The following PSMD1 variants were observed in gnomAD, a reference collection of about 807,000 sequenced individuals.
PSMD1 encodes 26S proteasome non-ATPase regulatory subunit 1.
A neutral mutation model predicts 119.0 loss-of-function variants in PSMD1; 18 were observed. The ratio of observed to expected loss-of-function variants is 0.15; its 90% CI spans 0.10 to 0.22. The LOEUF (loss-of-function observed/expected upper bound fraction) is 0.22, where lower values mean the gene tolerates loss of function less well. Among genes scored for constraint, PSMD1 ranks in the 10% least tolerant of loss-of-function variants. The probability of loss-of-function intolerance (pLI) is 1.00; values close to 1 mark genes in which losing one functional copy is unlikely to be tolerated. For missense variants in PSMD1, 702 were observed against 1,158.5 expected (o/e 0.61, Z 5.72); for synonymous variants, 374 against 396.6 (o/e 0.94, Z 0.68).
At chr2:231,107,757 G>C (rs1275253266) in intron 16 of PSMD1, among the ~76,000 whole-genome samples, 3 of 152,164 alleles carry the variant, frequency 2.0e-5, no homozygotes, top group Non-Finnish European at 2.9e-5. Context: ...TTGTATCCCT[G>C]ATTAAGATCC....
chr2:231,140,663 A>G (rs1696085904), intron 17 of PSMD1, among the ~76,000 whole-genome samples: 2 of 152,002 alleles, frequency 1.3e-5, no homozygotes, highest in Non-Finnish European at 2.9e-5. Context: ...GGATAACCTG[A>G]GGTCAGGAGT....
At chr2:231,076,773 C>T (rs897869186) in intron 8 of PSMD1, among the ~76,000 whole-genome samples, 9 of 152,008 alleles carry the variant, frequency 5.9e-5, no homozygotes, top group South Asian at 4.1e-4. Flanking sequence ...AATTTTCCTG[C>T]GTGTTATCAG....
intron 20 of PSMD1, among the ~76,000 whole-genome samples, chr2:231,162,595 TG>T (rs1696666868): frequency 6.6e-6 from 1 of 152,140 alleles, no homozygotes; most frequent in Admixed American, 6.6e-5. Flanking sequence ...GAAAATGGGA[TG>T]GAGAAGATAA....
chr2:231,100,427 G>A (rs1694836059), intron 16 of PSMD1, among the ~76,000 whole-genome samples: 1 of 152,104 alleles, frequency 6.6e-6, no homozygotes, highest in African/African-American at 2.4e-5. Flanking sequence ...GAGAATGATG[G>A]GGTGAGTGCT....
intron 1 of PSMD1, among the ~76,000 whole-genome samples, chr2:231,058,344 G>A (rs1041095749): frequency 6.6e-5 from 10 of 152,048 alleles, no homozygotes; most frequent in Non-Finnish European, 2.9e-5. Context: ...CATTACCTCC[G>A]TACAGCCCGT....
chr2:231,096,677 C>T (rs1694734645), intron 16 of PSMD1, among the ~76,000 whole-genome samples: 1 of 152,336 alleles, frequency 6.6e-6, no homozygotes, highest in South Asian at 2.1e-4. Flanking sequence ...AGGGTGCGCC[C>T]TTACAGATGG....
chr2:231,123,721 G>A (rs377111984), intron 16 of PSMD1: 25 of 1,613,948 alleles, frequency 1.5e-5, no homozygotes, highest in Non-Finnish European at 2.0e-5. Flanking sequence ...AATGTGCTCA[G>A]GAATTGTGCT....
intron 4 of PSMD1, among the ~76,000 whole-genome samples, chr2:231,064,110 A>T (rs1693834066): frequency 6.6e-6 from 1 of 152,194 alleles, no homozygotes; most frequent in South Asian, 2.1e-4. Context: ...TAAACACTGT[A>T]TCATTTTACC....
chr2:231,064,357 C>G (rs1435644083), intron 4 of PSMD1, among the ~76,000 whole-genome samples: 1 of 152,142 alleles, frequency 6.6e-6, no homozygotes. Flanking sequence ...AAGGCTTTAG[C>G]AGGAAATGAG....
intron 10 of PSMD1, 44 bp downstream of exon 10, chr2:231,078,791 CTT>C (rs748353083): frequency 0.033 from 11,307 of 338,542 alleles, no homozygotes; most frequent in Non-Finnish European, 0.036. Context: ...AAATCTTTTT[CTT>C]TTTTTTTTTT....
At chr2:231,094,032 A>G (rs1694665436) in intron 16 of PSMD1, among the ~76,000 whole-genome samples, 3 of 152,218 alleles carry the variant, frequency 2.0e-5, no homozygotes, top group African/African-American at 7.2e-5. Context: ...AATTGGCATC[A>G]ATGGATACAT....
At chr2:231,115,648 C>T (rs1366436611) in intron 16 of PSMD1, among the ~76,000 whole-genome samples, 1 of 151,882 alleles carries the variant, frequency 6.6e-6, no homozygotes, top group East Asian at 1.9e-4. Context: ...CTGGAAGGAA[C>T]CTTAGAGATT....
In PSMD1 at chr2:231,150,967, T is replaced by C. The variant is rs1192856426; in HGVS notation, c.2116-2597T>C. Among the ~76,000 whole-genome samples, 4 of 152,306 alleles carry C rather than the reference T, an allele frequency of 2.6e-5. No homozygotes were observed. The East Asian group carries it at 5.8e-4, about 22-fold the overall frequency. On this transcript the variant is annotated intron_variant, in intron 18 of 24. Coordinates refer to ENST00000308696, the MANE Select transcript of PSMD1 (RefSeq NM_002807.4). The stretch of plus-strand genomic sequence containing the variant: ...CTCCCTGATATCTAAGAGTGGGCTT[T>C]TTTCCAGCAGTATAGGGTATACAAG...
chr2:231,057,355 A>C (rs1693624648), intron 1 of PSMD1, among the ~76,000 whole-genome samples: 1 of 152,064 alleles, frequency 6.6e-6, no homozygotes, highest in Admixed American at 6.5e-5. Context: ...TGTGCCTCCC[A>C]TTCTTGGCCG....
intron 23 of PSMD1, among the ~76,000 whole-genome samples, chr2:231,169,161 G>T (rs1019610880): frequency 2.6e-5 from 4 of 151,800 alleles, no homozygotes; most frequent in East Asian, 1.9e-4. Context: ...ATTTTTTTTT[G>T]TGTGTGTGTT....
At chr2:231,160,450 A>G (rs1696611019) in intron 19 of PSMD1, among the ~76,000 whole-genome samples, 1 of 152,208 alleles carries the variant, frequency 6.6e-6, no homozygotes, top group South Asian at 2.1e-4. Flanking sequence ...AAATTCTAAT[A>G]ATGTTTATGC....
chr2:231,153,184 A>T (rs1010922995), intron 18 of PSMD1, among the ~76,000 whole-genome samples: 6 of 152,254 alleles, frequency 3.9e-5, no homozygotes, highest in African/African-American at 1.4e-4. Flanking sequence ...CATGCTTTTT[A>T]GGAAACCCGC....
At chr2:231,157,358 C>T (rs1696528731) in intron 19 of PSMD1, among the ~76,000 whole-genome samples, 1 of 150,790 alleles carries the variant, frequency 6.6e-6, no homozygotes, top group Admixed American at 6.6e-5. Context: ...CTCTTCTCTG[C>T]CAGATTTACT....
intron 16 of PSMD1, among the ~76,000 whole-genome samples, chr2:231,106,331 A>G (rs978881124): frequency 1.3e-5 from 2 of 152,212 alleles, no homozygotes; most frequent in African/African-American, 4.8e-5. Context: ...GTTAATTGTA[A>G]GCAAGAGCTA....
Sources: allele counts gnomAD v4.1 joint callset (sites outside exome capture counted in the v4.1 genomes callset), GRCh38; gene constraint gnomAD v4.1.1; transcripts MANE v1.5; gene names NCBI Gene and HGNC (gene_info 2026-07-23, HGNC 2026-07-21).